Variants in ABCB4 observed in about 807,000 individuals in gnomAD.
The protein encoded by ABCB4 is ATP binding cassette subfamily B member 4.
A neutral mutation model predicts 145.7 loss-of-function variants in ABCB4; 76 were observed. That is an observed-to-expected ratio of 0.52 (90% CI 0.43 to 0.63). ABCB4 has a LOEUF of 0.63. ABCB4 is among the 30% of genes least tolerant of loss of function. The pLI, the probability that ABCB4 is intolerant of heterozygous loss-of-function variation, is 0.00. For synonymous variants in ABCB4, 517 were observed against 566.8 expected (o/e 0.91, Z 1.25); for missense variants, 1,234 against 1,553.1 (o/e 0.79, Z 3.45).
At chr7:87,402,340 T>G (rs1307160106) in intron 27 of ABCB4, 38 bp from the exon 28 acceptor site, 1 of 1,611,182 alleles carries the variant, frequency 6.2e-7, no homozygotes, top group South Asian at 1.1e-5. Flanking sequence ...TCCCAAAAAT[T>G]GTATAAATTA....
chr7:87,377,256 G>A, the ABCB4 span: 4 of 695,166 alleles, frequency 5.8e-6, no homozygotes. Context: ...TTGACGTGAA[G>A]AGGAATGGTG....
At chr7:87,413,856 G>T in intron 21 of ABCB4, 139 bp from the exon 22 acceptor site, 1 of 686,086 alleles carries the variant, frequency 1.5e-6, no homozygotes, top group Non-Finnish European at 2.6e-6. Context: ...AAAACCAAAG[G>T]CATAATCTGT....
At chr7:87,370,425 C>A in the ABCB4 span, among the ~76,000 whole-genome samples, 1 of 152,120 alleles carries the variant, frequency 6.6e-6, no homozygotes, top group Non-Finnish European at 1.5e-5. Flanking sequence ...TTAAATAATC[C>A]GCCTGCCTTG....
At chr7:87,420,173 GT>G (rs1454628575) in intron 18 of ABCB4, 98 bp from the exon 19 acceptor site, 6 of 1,147,880 alleles carry the variant, frequency 5.2e-6, no homozygotes, top group Non-Finnish European at 7.9e-6. Context: ...GTTATGAGTT[GT>G]TTTACAGTTG....
chr7:87,441,056 C>T (rs1345742999), intron 12 of ABCB4, among the ~76,000 whole-genome samples: 2 of 152,092 alleles, frequency 1.3e-5, no homozygotes, highest in Non-Finnish European at 2.9e-5. Context: ...CCATGTTTTG[C>T]TATTTTTTAC....
chr7:87,385,182 T>C, the ABCB4 span, among the ~76,000 whole-genome samples: 2 of 152,266 alleles, frequency 1.3e-5, no homozygotes, highest in South Asian at 2.1e-4. Flanking sequence ...TCTGGGTCTT[T>C]TGTGGTTCCA....
At position 87,420,006 on chromosome 7, in the gene ABCB4, G is replaced by A. The variant is rs758998937; in HGVS notation, c.2386C>T (p.Leu796=). 1.9e-6 allele frequency: 3 copies of A among 1,614,010 alleles called. No individual in the cohort carries two copies. The highest frequency in any genetic ancestry group is 2.5e-6 in the Non-Finnish European group (3 of 1,179,894). ...RLRSMAFKAM[L]RQDMSWFDDH... ...CCAGCGCACACTCCTACCTGTCTTA[G>A]CATTGCTTTAAAAGCCATTGACCGC... The change falls in exon 19 of 28, where the codon CTA becomes TTA. Residue 796 remains leucine, a synonymous_variant. Transcript: ENST00000649586.
chr7:87,471,064 T>C (rs1290281187), intron 3 of ABCB4, among the ~76,000 whole-genome samples: 5 of 152,198 alleles, frequency 3.3e-5, no homozygotes, highest in African/African-American at 9.7e-5. Context: ...TCATGTCCTT[T>C]GTAGGGACAT....
intron 26 of ABCB4, 105 bp downstream of exon 26, chr7:87,406,183 T>G: frequency 5.8e-6 from 7 of 1,208,580 alleles, no homozygotes; most frequent in Non-Finnish European, 8.6e-6. Context: ...TTGTTAATGT[T>G]AGTAAATCAA....
At chr7:87,401,370 C>G (rs1450781720), downstream of ABCB4, among the ~76,000 whole-genome samples, 1 of 152,142 alleles carries the variant, frequency 6.6e-6, no homozygotes, top group Non-Finnish European at 1.5e-5. Flanking sequence ...ACATACCTTT[C>G]ATTGTAGGAA....
chr7:87,461,708 G>C (rs1812471947), intron 4 of ABCB4, among the ~76,000 whole-genome samples: 1 of 151,958 alleles, frequency 6.6e-6, no homozygotes, highest in African/African-American at 2.4e-5. Flanking sequence ...AATATTCAAA[G>C]GATGCTTTTA....
the ABCB4 span, chr7:87,391,849 T>G: frequency 1.2e-6 from 1 of 869,214 alleles, no homozygotes; most frequent in Non-Finnish European, 1.7e-6. Flanking sequence ...TCTGAGGTTT[T>G]TAAAGCATTT....
downstream of ABCB4, among the ~76,000 whole-genome samples, chr7:87,400,362 C>T (rs977591375): frequency 6.6e-6 from 1 of 152,192 alleles, no homozygotes; most frequent in African/African-American, 2.4e-5. Flanking sequence ...TTCTATACAT[C>T]CCTTTTAAGA....
chr7:87,440,167 T>G (rs779580554), intron 13 of ABCB4, 32 bp downstream of exon 13: 1 of 1,602,474 alleles, frequency 6.2e-7, no homozygotes, highest in South Asian at 1.1e-5. Context: ...AAATTCTAAT[T>G]TCAAGGACAA....
chr7:87,427,943 A>G (rs1273100245), intron 15 of ABCB4, among the ~76,000 whole-genome samples: 1 of 152,112 alleles, frequency 6.6e-6, no homozygotes. Flanking sequence ...GATCCCTTGC[A>G]TTCTCACTGC....
At chr7:87,405,149 T>A (rs576922500) in intron 26 of ABCB4, among the ~76,000 whole-genome samples, 1 of 152,320 alleles carries the variant, frequency 6.6e-6, no homozygotes, top group South Asian at 2.1e-4. Context: ...GGTTAAACTG[T>A]GGTACATCCA....
the ABCB4 span, chr7:87,391,826 T>C: frequency 9.7e-7 from 1 of 1,031,230 alleles, no homozygotes. Context: ...TTAAAATACT[T>C]TGAGACATCT....
At chr7:87,436,156 T>A (rs1278213171) in intron 14 of ABCB4, among the ~76,000 whole-genome samples, 3 of 152,136 alleles carry the variant, frequency 2.0e-5, no homozygotes, top group African/African-American at 7.2e-5. Context: ...GCTACTTGGT[T>A]ACAAGGAGAA....
chr7:87,375,814 T>C, the ABCB4 span: 1 of 1,613,108 alleles, frequency 6.2e-7, no homozygotes, highest in Admixed American at 1.7e-5. Context: ...GATCATCATC[T>C]CCTTGCCCTT....
Sources: allele counts gnomAD v4.1 joint callset (sites outside exome capture counted in the v4.1 genomes callset), GRCh38; gene constraint gnomAD v4.1.1; transcripts MANE v1.5; gene names NCBI Gene and HGNC (gene_info 2026-07-23, HGNC 2026-07-21).